Variants in ABCC4 observed in about 807,000 individuals in gnomAD.
The protein encoded by ABCC4 is ATP binding cassette subfamily C member 4 (PEL blood group).
ABCC4 carries 102 observed loss-of-function variants against 168.5 expected under a neutral mutation model. The ratio of observed to expected loss-of-function variants is 0.61; its 90% CI spans 0.52 to 0.71. The LOEUF (loss-of-function observed/expected upper bound fraction) is 0.71. Ranked by LOEUF, ABCC4 falls within the 30% of genes least tolerant of loss-of-function variation. The probability of loss-of-function intolerance (pLI) is 0.00; values close to 1 mark genes in which losing one functional copy is unlikely to be tolerated. For synonymous variants in ABCC4, 617 were observed against 590.7 expected, an observed-to-expected ratio of 1.04 and a Z score of -0.65; for missense variants, 1,402 against 1,605.8, an observed-to-expected ratio of 0.87 and a Z score of 2.17.
At chr13:95,278,836 C>T (rs1230416675) in intron 1 of ABCC4, among the ~76,000 whole-genome samples, 1 of 109,736 alleles carries the variant, frequency 9.1e-6, no homozygotes, top group African/African-American at 3.3e-5. Context: ...AAAAAAAACA[C>T]AGACTGACAA....
At chr13:95,253,165 T>C (rs2040309827) in intron 1 of ABCC4, among the ~76,000 whole-genome samples, 1 of 152,194 alleles carries the variant, frequency 6.6e-6, no homozygotes, top group South Asian at 2.1e-4. Context: ...CAACCATGAC[T>C]GCCCCGGGCT....
rs369993880 is a variant in ABCC4 at position 95,073,294 on chromosome 13, G to C, written c.2928C>G (p.Ala976=). 6.2e-7 allele frequency: 1 copy of C among 1,612,600 alleles called. No individual in the cohort carries two copies. The highest frequency in any genetic ancestry group is 8.5e-7 in the Non-Finnish European group (1 of 1,179,272). The change falls in exon 24 of 31, where the codon GCC becomes GCG. Residue 976 remains alanine (A), a synonymous_variant. Coordinates refer to ENST00000645237, the MANE Select transcript of ABCC4 (RefSeq NM_005845.5). ...AGGACAGTGCCAAACCAACCTGCCC[G>C]GCATCCAGAGCTACGTAAGGAGGAA... ...GSLILAKTLD[A]GQVGLALSYA...
intron 1 of ABCC4, among the ~76,000 whole-genome samples, chr13:95,248,714 G>C (rs2040178172): frequency 6.6e-6 from 1 of 152,002 alleles, no homozygotes; most frequent in Admixed American, 6.6e-5. Context: ...TTTGAGACCA[G>C]CCTACACAAC....
intron 20 of ABCC4, among the ~76,000 whole-genome samples, chr13:95,097,801 T>C (rs2034659063): frequency 6.6e-6 from 1 of 151,896 alleles, no homozygotes; most frequent in African/African-American, 2.4e-5. Flanking sequence ...AATGAAGTTA[T>C]ATACTCCATA....
At chr13:95,084,340 G>C (rs1327938484) in intron 20 of ABCC4, among the ~76,000 whole-genome samples, 1 of 152,146 alleles carries the variant, frequency 6.6e-6, no homozygotes, top group African/African-American at 2.4e-5. Context: ...ATTTTAGCTT[G>C]TCCCCAGCAT....
intron 1 of ABCC4, among the ~76,000 whole-genome samples, chr13:95,283,560 A>G (rs1424987578): frequency 6.6e-6 from 1 of 151,848 alleles, no homozygotes; most frequent in Non-Finnish European, 1.5e-5. Flanking sequence ...CTAACTTTAT[A>G]TTGCAGCCAG....
chr13:95,089,873 C>T (rs528409020), intron 20 of ABCC4, among the ~76,000 whole-genome samples: 1 of 145,040 alleles, frequency 6.9e-6, no homozygotes, highest in East Asian at 2.0e-4. Context: ...GAGACTCTGT[C>T]AAAAAAAGAA....
intron 1 of ABCC4, among the ~76,000 whole-genome samples, chr13:95,278,754 T>C (rs1227622691): frequency 7.6e-6 from 1 of 132,010 alleles, no homozygotes; most frequent in African/African-American, 2.9e-5. Context: ...CAGTGAGCTA[T>C]GATCGCACCA....
intron 30 of ABCC4, among the ~76,000 whole-genome samples, chr13:95,026,676 C>G (rs945348847): frequency 6.6e-6 from 1 of 151,966 alleles, no homozygotes; most frequent in African/African-American, 2.4e-5. Flanking sequence ...ATGGTTTAAG[C>G]CCAGGAGTTC....
intron 27 of ABCC4, among the ~76,000 whole-genome samples, chr13:95,047,582 C>T (rs1371638489): frequency 7.1e-6 from 1 of 140,828 alleles, no homozygotes; most frequent in Non-Finnish European, 1.5e-5. Context: ...CAGGTTCAAG[C>T]GATTCTCCTG....
chr13:95,023,547 T>A (rs1442106224), intron 30 of ABCC4, among the ~76,000 whole-genome samples: 5 of 152,202 alleles, frequency 3.3e-5, no homozygotes, highest in Non-Finnish European at 7.3e-5. Context: ...CTGGAAAAAT[T>A]ACCTAACCAC....
rs113824526 is a variant in ABCC4, at chr13:95,233,188, C to T, written c.531+1422G>A. On this transcript the variant is annotated intron_variant, in intron 4 of 30. Coordinates refer to ENST00000645237, the MANE Select transcript of ABCC4 (RefSeq NM_005845.5). ...TTACAATGTGCAATTAAATAATGTA[C>T]ACTTTACAATGTACATTATATAACT... Among the ~76,000 whole-genome samples, 398 of 151,944 alleles carry T rather than the reference C, an allele frequency of 2.6e-3. 3 individuals carry two copies. The highest frequency in any genetic ancestry group is 0.01 in the Middle Eastern group (3 of 294).
intron 1 of ABCC4, among the ~76,000 whole-genome samples, chr13:95,282,896 T>C (rs1409087267): frequency 1.3e-5 from 2 of 152,076 alleles, no homozygotes; most frequent in Non-Finnish European, 2.9e-5. Flanking sequence ...GGTCATTACA[T>C]ATGTAAAACT....
At chr13:95,273,375 A>G (rs1205859178) in intron 1 of ABCC4, among the ~76,000 whole-genome samples, 3 of 152,130 alleles carry the variant, frequency 2.0e-5, no homozygotes, top group Admixed American at 6.5e-5. Context: ...GGTCCCAAAT[A>G]ACACCCTCTA....
At chr13:95,133,736 G>A (rs1379839760) in intron 19 of ABCC4, among the ~76,000 whole-genome samples, 1 of 152,166 alleles carries the variant, frequency 6.6e-6, no homozygotes, top group Admixed American at 6.5e-5. Context: ...GAATGGCAAA[G>A]GAAGAGCCTG....
At chr13:95,093,866 A>G (rs1036825583) in intron 20 of ABCC4, among the ~76,000 whole-genome samples, 3 of 152,212 alleles carry the variant, frequency 2.0e-5, no homozygotes, top group Non-Finnish European at 4.4e-5. Flanking sequence ...TAGCTCTTCT[A>G]TACGCCAACA....
intron 30 of ABCC4, among the ~76,000 whole-genome samples, chr13:95,025,251 A>C (rs71431494): frequency 5.4e-5 from 2 of 37,106 alleles, no homozygotes; most frequent in Non-Finnish European, 9.5e-5. Context: ...ACACACCCAC[A>C]CACACACACA....
intron 19 of ABCC4, among the ~76,000 whole-genome samples, chr13:95,116,294 T>A (rs1438049034): frequency 6.6e-6 from 1 of 152,162 alleles, no homozygotes; most frequent in African/African-American, 2.4e-5. Flanking sequence ...GGTTCTAGAA[T>A]GTTCCCTCCT....
At chr13:95,071,635 A>T (rs1343610435) in intron 25 of ABCC4, 27 bp downstream of exon 25, 2 of 1,396,384 alleles carry the variant, frequency 1.4e-6, no homozygotes, top group East Asian at 5.3e-5. Flanking sequence ...TCTGAAATTG[A>T]GAAGAGGCAA....
Sources: allele counts gnomAD v4.1 joint callset (sites outside exome capture counted in the v4.1 genomes callset), GRCh38; gene constraint gnomAD v4.1.1; transcripts MANE v1.5; gene names NCBI Gene and HGNC (gene_info 2026-07-23, HGNC 2026-07-21).